The following MANBAL variants were observed in gnomAD, a reference collection of about 807,000 sequenced individuals.
The protein encoded by MANBAL is protein MANBAL.
In MANBAL, 1 loss-of-function variant was observed where a neutral mutation model predicts 6.4. The observed-to-expected ratio is 0.16, with a 90% CI of 0.06 to 0.74. The LOEUF is 0.74. Among genes scored for constraint, MANBAL ranks in the 30% least tolerant of loss-of-function variants. The pLI is 0.78. For missense variants in MANBAL, 100 were observed against 107.8 expected (o/e 0.93, Z 0.32); for synonymous variants, 47 against 45.8 (o/e 1.03, Z -0.10).
Position 37,312,990 on chromosome 20 carries a change from CTTTCA to C in MANBAL, c.151-3310_151-3306del, listed in dbSNP as rs202162749. ...TGGTTACTGGGAGACCTTGGCTGTTCTTTCATTTCATTCATTCATTCACTCATTCA... is the reference window on the plus strand; with the variant it reads ...TGGTTACTGGGAGACCTTGGCTGTTCTTTCATTCATTCATTCACTCATTCA... On this transcript the variant is annotated intron_variant, in intron 2 of 2. Coordinates refer to ENST00000373606, the MANE Select transcript of MANBAL (RefSeq NM_001003897.2). 9.8e-4 allele frequency among the ~76,000 whole-genome samples: 150 copies of C among 152,306 alleles called. 1 individual carries two copies. The East Asian group carries it at 0.025, about 25-fold the overall frequency.
chr20:37,305,934 T>C (rs1328977280), intron 2 of MANBAL, among the ~76,000 whole-genome samples: 1 of 152,084 alleles, frequency 6.6e-6, no homozygotes, highest in Non-Finnish European at 1.5e-5. Flanking sequence ...CTGTGCTGCT[T>C]AGAGGTTGTC....
intron 2 of MANBAL, among the ~76,000 whole-genome samples, chr20:37,310,769 G>T (rs990472038): frequency 6.7e-6 from 1 of 150,324 alleles, no homozygotes; most frequent in Non-Finnish European, 1.5e-5. Context: ...ACCTGGCCTC[G>T]GGAGTTTTCT....
rs1192118261 is a variant in MANBAL at position 37,289,700 on chromosome 20, CT to C, written c.-57+17del. ...GCGGCGCGGGAGGTGAGTGCCGCAG[CT>C]TTGCGGTGGGGTGGGAACCGAGAGA... is the stretch of plus-strand genomic sequence containing the variant. On this transcript the variant is annotated intron_variant, in intron 1 of 2. Coordinates refer to ENST00000373606, the MANE Select transcript of MANBAL (RefSeq NM_001003897.2). The C allele has an allele frequency of 6.6e-6, 1 of 152,406 alleles. No homozygotes were observed. The highest frequency in any genetic ancestry group is 1.5e-5 in the Non-Finnish European group (1 of 68,184). The allele number at this position is 152,406 out of a possible 1,614,324, so 9.4% of individuals were successfully genotyped here. A position where few individuals can be genotyped will look rare whatever the true frequency, so the allele number is the denominator to read the frequency against.
intron 1 of MANBAL, among the ~76,000 whole-genome samples, chr20:37,298,336 C>G (rs1400797938): frequency 6.6e-6 from 1 of 152,160 alleles, no homozygotes; most frequent in East Asian, 1.9e-4. Context: ...CTGTCTATTT[C>G]TAGAACTTTT....
chr20:37,310,792 AGT>A (rs1179402479), intron 2 of MANBAL, among the ~76,000 whole-genome samples: 1 of 152,090 alleles, frequency 6.6e-6, no homozygotes, highest in African/African-American at 2.4e-5. Flanking sequence ...TATATGTGAC[AGT>A]GTGATTGCTG....
At chr20:37,305,679 C>CT (rs61317146) in intron 2 of MANBAL, among the ~76,000 whole-genome samples, 5,665 of 137,116 alleles carry the variant, frequency 0.041, 176 homozygotes, top group African/African-American at 0.087. Flanking sequence ...ACTGTTTTAA[C>CT]TTTTTTTTTT....
At chr20:37,302,087 C>T (rs867569342) in intron 2 of MANBAL, among the ~76,000 whole-genome samples, 8 of 152,338 alleles carry the variant, frequency 5.3e-5, no homozygotes, top group Non-Finnish European at 8.8e-5. Context: ...GACTCTTCTT[C>T]TGTAAGTATC....
intron 2 of MANBAL, among the ~76,000 whole-genome samples, chr20:37,304,327 A>G (rs2069208087): frequency 6.6e-6 from 1 of 152,220 alleles, no homozygotes; most frequent in South Asian, 2.1e-4. Context: ...AAACATTTAT[A>G]TACAATATTT....
intron 2 of MANBAL, among the ~76,000 whole-genome samples, chr20:37,309,634 G>A (rs574957957): frequency 5.7e-4 from 87 of 152,288 alleles, no homozygotes; most frequent in African/African-American, 2.1e-3. Flanking sequence ...CCCTGATGAT[G>A]TTTTGGCTCA....
chr20:37,297,673 A>G, intron 1 of MANBAL: 1 of 150,050 alleles, frequency 6.7e-6, no homozygotes, highest in Non-Finnish European at 1.4e-5. Flanking sequence ...ATGGAGTTTC[A>G]CTCTTGTTGC....
intron 2 of MANBAL, among the ~76,000 whole-genome samples, chr20:37,306,644 A>G (rs977573037): frequency 6.6e-6 from 1 of 152,208 alleles, no homozygotes; most frequent in African/African-American, 2.4e-5. Flanking sequence ...TCTAAAATAG[A>G]AGATAGTAGG....
At chr20:37,290,068 G>C (rs964340095) in intron 1 of MANBAL, among the ~76,000 whole-genome samples, 4 of 152,200 alleles carry the variant, frequency 2.6e-5, no homozygotes, top group Non-Finnish European at 5.9e-5. Flanking sequence ...GCAAGTCACG[G>C]TTCCTCTCTG....
intron 2 of MANBAL, among the ~76,000 whole-genome samples, chr20:37,309,164 C>A (rs1259544060): frequency 6.6e-6 from 1 of 152,180 alleles, no homozygotes; most frequent in East Asian, 1.9e-4. Context: ...CTCTCTCTCT[C>A]CTGGCTTTCC....
At chr20:37,311,151 G>A (rs1480805917) in intron 2 of MANBAL, among the ~76,000 whole-genome samples, 1 of 152,230 alleles carries the variant, frequency 6.6e-6, no homozygotes, top group African/African-American at 2.4e-5. Context: ...GGCTCGGTGA[G>A]CATCCACATG....
intron 1 of MANBAL, among the ~76,000 whole-genome samples, chr20:37,296,640 G>T (rs113900843): frequency 0.015 from 2,220 of 152,234 alleles, 25 homozygotes; most frequent in Middle Eastern, 0.048. Flanking sequence ...GTGCTGCCAT[G>T]AACTTTTTTG....
chr20:37,304,056 C>A (rs2069202479), intron 2 of MANBAL, among the ~76,000 whole-genome samples: 1 of 152,178 alleles, frequency 6.6e-6, no homozygotes, highest in Non-Finnish European at 1.5e-5. Context: ...TGCTCATCTA[C>A]AATATACCAG....
At chr20:37,299,994 C>G (rs1248508467) in intron 1 of MANBAL, among the ~76,000 whole-genome samples, 1 of 152,174 alleles carries the variant, frequency 6.6e-6, no homozygotes, top group Non-Finnish European at 1.5e-5. Flanking sequence ...ACCACTGCCC[C>G]TGTCATTCAC....
chr20:37,293,855 A>G (rs1352840431), intron 1 of MANBAL, among the ~76,000 whole-genome samples: 1 of 152,358 alleles, frequency 6.6e-6, no homozygotes, highest in East Asian at 1.9e-4. Context: ...TCAGCACCCT[A>G]TTCCCCCACT....
intron 1 of MANBAL, among the ~76,000 whole-genome samples, chr20:37,291,226 G>A (rs1413237204): frequency 2.0e-5 from 3 of 151,960 alleles, no homozygotes; most frequent in Non-Finnish European, 4.4e-5. Flanking sequence ...CAAAGTTATC[G>A]CAAAGATACT....
Sources: gnomAD v4.1 joint callset for allele counts (sites outside exome capture counted in the v4.1 genomes callset) on GRCh38, gnomAD v4.1.1 for gene constraint, MANE v1.5 for transcripts, NCBI Gene and HGNC (gene_info 2026-07-23, HGNC 2026-07-21) for gene names.